Variants in GPC3 observed in about 807,000 individuals in gnomAD.
GPC3 encodes the protein glypican 3.
GPC3 carries 3 observed loss-of-function variants against 34.4 expected under a neutral mutation model. That is an observed-to-expected ratio of 0.09 (90% CI 0.04 to 0.23). The LOEUF (loss-of-function observed/expected upper bound fraction) is 0.23, where lower values mean the gene tolerates loss of function less well. GPC3 is among the 10% of genes least tolerant of loss of function. The probability of loss-of-function intolerance (pLI) is 1.00; values close to 1 mark genes in which losing one functional copy is unlikely to be tolerated. For missense variants in GPC3, 351 were observed against 445.6 expected (o/e 0.79, Z 1.91); for synonymous variants, 177 against 174.0 (o/e 1.02, Z -0.13).
rs185441779 is a variant in GPC3 at position 133,630,549 on chromosome X, G to A, written c.1413+31181C>T. ...TGACTGGATGCCTTAATGAAATTAC[G>A]AAACTCTATAATCAGACACTGAAGA... On this transcript the variant is annotated intron_variant, in intron 6 of 7. Coordinates refer to ENST00000370818, the MANE Select transcript of GPC3 (RefSeq NM_004484.4). Among the ~76,000 whole-genome samples the A allele has an allele frequency of 6.7e-3, 744 of 111,664 alleles. 4 individuals are homozygous for A. Among genetic ancestry groups the A allele is most frequent in the Non-Finnish European group, 9.5e-3 (505 of 53,177 alleles).
chrX:133,806,224 G>T (rs2075634487), intron 2 of GPC3, among the ~76,000 whole-genome samples: 1 of 112,226 alleles, frequency 8.9e-6, no homozygotes, highest in Non-Finnish European at 1.9e-5. Flanking sequence ...CCATAATAAT[G>T]TTATTTCCCT....
In GPC3 at chrX:133,699,861, G is replaced by T. The variant is rs747006434; in HGVS notation, c.1166+34C>A. 4 of 1,157,299 alleles carry T rather than the reference G, an allele frequency of 3.5e-6. No individual in the cohort carries two copies. In the South Asian group the frequency reaches 5.6e-5, roughly 16 times the overall value. ...TGACCTTAAAATACAATTGTTAATT[G>T]TATTGTGGAATAAAGAAAAAAGAAA... On this transcript the variant is annotated intron_variant, in intron 4 of 7. Coordinates refer to ENST00000370818, the MANE Select transcript of GPC3 (RefSeq NM_004484.4).
chrX:133,786,383 G>A (rs2072101418), intron 2 of GPC3, among the ~76,000 whole-genome samples: 1 of 112,376 alleles, frequency 8.9e-6, no homozygotes, highest in East Asian at 2.8e-4. Context: ...TGACAAGAGC[G>A]AAACTCTGCC....
chrX:133,917,259 T>A (rs1268441241), intron 2 of GPC3, among the ~76,000 whole-genome samples: 1 of 111,951 alleles, frequency 8.9e-6, no homozygotes, highest in African/African-American at 3.2e-5. Flanking sequence ...GACTGGAGTC[T>A]GAGAAAGAAT....
intron 2 of GPC3, among the ~76,000 whole-genome samples, chrX:133,851,231 G>A (rs940038280): frequency 4.5e-5 from 5 of 111,698 alleles, no homozygotes; most frequent in Non-Finnish European, 7.5e-5. Context: ...CTTTATCCTG[G>A]CCTACATGAA....
intron 3 of GPC3, among the ~76,000 whole-genome samples, chrX:133,701,474 A>G (rs1043434131): frequency 1.8e-5 from 2 of 112,117 alleles, no homozygotes; most frequent in African/African-American, 6.5e-5. Flanking sequence ...AGTGGCTTAC[A>G]TTCTCCATTG....
chrX:133,627,475 G>C (rs1056830433), intron 6 of GPC3, among the ~76,000 whole-genome samples: 2 of 111,521 alleles, frequency 1.8e-5, no homozygotes, highest in Non-Finnish European at 3.8e-5. Context: ...TGAATGACTG[G>C]ATACCAAGCC....
At chrX:133,623,729 T>C (rs1054285621) in intron 6 of GPC3, among the ~76,000 whole-genome samples, 3 of 111,567 alleles carry the variant, frequency 2.7e-5, no homozygotes, top group African/African-American at 9.8e-5. Flanking sequence ...AACACCCCAC[T>C]GCCAACATTA....
intron 1 of GPC3, among the ~76,000 whole-genome samples, chrX:133,970,080 T>C (rs915008808): frequency 3.6e-5 from 4 of 112,221 alleles, no homozygotes; most frequent in African/African-American, 1.3e-4. Flanking sequence ...ACTGACCTTG[T>C]AGCTTTTTGG....
intron 6 of GPC3, among the ~76,000 whole-genome samples, chrX:133,650,091 ATAT>A (rs2070583353): frequency 8.9e-6 from 1 of 111,941 alleles, no homozygotes. Context: ...ACTCACAAAC[ATAT>A]TATATGCTGC....
intron 1 of GPC3, among the ~76,000 whole-genome samples, chrX:133,980,124 C>T (rs1245108882): frequency 8.9e-6 from 1 of 111,958 alleles, no homozygotes; most frequent in Admixed American, 9.5e-5. Context: ...AATTTATGTG[C>T]TGTAATAATT....
chrX:133,980,928 C>CA (rs2076535583), intron 1 of GPC3, among the ~76,000 whole-genome samples: 2 of 112,177 alleles, frequency 1.8e-5, no homozygotes, highest in Non-Finnish European at 3.8e-5. Flanking sequence ...GCAGAATGCT[C>CA]AAAAATATTG....
At chrX:133,880,917 C>G (rs1280435465) in intron 2 of GPC3, among the ~76,000 whole-genome samples, 2 of 111,853 alleles carry the variant, frequency 1.8e-5, no homozygotes, top group African/African-American at 6.5e-5. Flanking sequence ...TTTAATTGGT[C>G]TATATTGCTA....
In GPC3 at chrX:133,796,832, C is replaced by T. The variant is rs1045811199; in HGVS notation, c.338-42656G>A. Reference sequence around the variant, plus strand: ...TCACTGCCACTATTTTCTTGAATGACTACAGATGAGGCCTACTTATTACTC... The same window carrying T: ...TCACTGCCACTATTTTCTTGAATGATTACAGATGAGGCCTACTTATTACTC... On this transcript the variant is annotated intron_variant, in intron 2 of 7. Transcript: ENST00000370818. Among the ~76,000 whole-genome samples, 3 of 111,372 alleles carry T rather than the reference C, an allele frequency of 2.7e-5. No homozygotes were observed. In the South Asian group the frequency reaches 1.2e-3, roughly 43 times the overall value.
chrX:133,868,481 A>G (rs1459922484), intron 2 of GPC3, among the ~76,000 whole-genome samples: 1 of 112,663 alleles, frequency 8.9e-6, no homozygotes, highest in Admixed American at 9.4e-5. Flanking sequence ...GCACTGGAAC[A>G]AAAGCTGCAG....
At chrX:133,582,884 G>C (rs1280585717) in intron 7 of GPC3, among the ~76,000 whole-genome samples, 1 of 111,080 alleles carries the variant, frequency 9.0e-6, no homozygotes, top group Non-Finnish European at 1.9e-5. Flanking sequence ...TTGTAGCCGG[G>C]GGGAGGGCTC....
intron 2 of GPC3, among the ~76,000 whole-genome samples, chrX:133,773,991 T>C (rs1232788436): frequency 8.9e-6 from 1 of 112,147 alleles, no homozygotes; most frequent in African/African-American, 3.2e-5. Context: ...CCAGTAACAA[T>C]ATAATGTAGT....
At chrX:133,758,938 C>T (rs1054153997) in intron 2 of GPC3, among the ~76,000 whole-genome samples, 1 of 111,066 alleles carries the variant, frequency 9.0e-6, no homozygotes, top group Non-Finnish European at 1.9e-5. Flanking sequence ...CAGCTAGCAT[C>T]ATGCTTAACG....
chrX:133,943,090 AGAAT>A (rs1299985039), intron 2 of GPC3, among the ~76,000 whole-genome samples: 2 of 112,100 alleles, frequency 1.8e-5, no homozygotes, highest in Non-Finnish European at 3.8e-5. Context: ...GATATAAGAA[AGAAT>A]GAGAACCTTA....
Sources: gnomAD v4.1 joint callset for allele counts (sites outside exome capture counted in the v4.1 genomes callset) on GRCh38, gnomAD v4.1.1 for gene constraint, MANE v1.5 for transcripts, NCBI Gene and HGNC (gene_info 2026-07-23, HGNC 2026-07-21) for gene names.